Variants in ISM2 observed in about 807,000 individuals in gnomAD.
ISM2 encodes the protein isthmin-2.
A neutral mutation model predicts 58.0 loss-of-function variants in ISM2; 50 were observed. The ratio of observed to expected loss-of-function variants is 0.86; its 90% CI spans 0.69 to 1.09. The LOEUF (loss-of-function observed/expected upper bound fraction) is 1.09. Ranked by LOEUF, ISM2 falls within the 50% of genes least tolerant of loss-of-function variation. The pLI is 0.00. For synonymous variants in ISM2, 303 were observed against 312.4 expected, an observed-to-expected ratio of 0.97 and a Z score of 0.32; for missense variants, 723 against 745.0, an observed-to-expected ratio of 0.97 and a Z score of 0.34.
At chr14:77,478,178 A>G (rs1245719024) in intron 6 of ISM2, 64 bp downstream of exon 6, 6 of 1,350,646 alleles carry the variant, frequency 4.4e-6, no homozygotes, top group Non-Finnish European at 6.3e-6. Context: ...ATGGAATAAT[A>G]CCCCACCCTC....
At chr14:77,486,953 T>C (rs2079171562) in intron 1 of ISM2, among the ~76,000 whole-genome samples, 1 of 151,690 alleles carries the variant, frequency 6.6e-6, no homozygotes, top group Non-Finnish European at 1.5e-5. Flanking sequence ...TAAGAAAGCA[T>C]GCTCTAGGCC....
chr14:77,496,695 G>A (rs1390304263), intron 1 of ISM2, among the ~76,000 whole-genome samples: 1 of 150,652 alleles, frequency 6.6e-6, no homozygotes, highest in Non-Finnish European at 1.5e-5. Flanking sequence ...TACTGGGGAG[G>A]CTAAGGCAGG....
chr14:77,498,394 G>C, intron 1 of ISM2: 1 of 1,285,572 alleles, frequency 7.8e-7, no homozygotes, highest in Non-Finnish European at 1.1e-6. Context: ...ACCTCACTCC[G>C]CACAGAAGTC....
rs186536112 is a variant in ISM2, at chr14:77,493,897, G to A, written c.141+4756C>T. Among the ~76,000 whole-genome samples, 401 of 152,072 alleles carry A rather than the reference G, an allele frequency of 2.6e-3. 1 individual carries two copies. Among genetic ancestry groups the A allele is most frequent in the South Asian group, 0.019 (90 of 4,818 alleles). On this transcript the variant is annotated intron_variant, in intron 1 of 6. Coordinates refer to ENST00000342219, the MANE Select transcript of ISM2 (RefSeq NM_199296.3). Reference sequence around the variant, plus strand: ...CGCCGTTCTCCTGCCTCAGCCTCCCGAGTAGCTGGGAGTACAGGTGCTTGC... The same window carrying A: ...CGCCGTTCTCCTGCCTCAGCCTCCCAAGTAGCTGGGAGTACAGGTGCTTGC...
intron 1 of ISM2, among the ~76,000 whole-genome samples, chr14:77,497,806 G>C (rs1168250947): frequency 7.0e-6 from 1 of 143,140 alleles, no homozygotes; most frequent in African/African-American, 2.9e-5. Context: ...AAGGAAGGAA[G>C]GAAGGAAGGA....
At chr14:77,497,741 G>A (rs1163598371) in intron 1 of ISM2, among the ~76,000 whole-genome samples, 7,319 of 53,650 alleles carry the variant, frequency 0.14, 1,779 homozygotes, top group East Asian at 0.37. Flanking sequence ...GAAGGAAGGA[G>A]GGAGGGAGGG....
chr14:77,498,523 C>T (rs1452535867), intron 1 of ISM2, 130 bp downstream of exon 1: 2 of 1,329,372 alleles, frequency 1.5e-6, no homozygotes, highest in Admixed American at 2.4e-5. Flanking sequence ...CGGCCGGCCC[C>T]GGCCCCTCTC....
At chr14:77,490,021 G>A (rs60198797) in intron 1 of ISM2, among the ~76,000 whole-genome samples, 2,526 of 152,232 alleles carry the variant, frequency 0.017, 77 homozygotes, top group African/African-American at 0.058. Context: ...CCGCCACCAT[G>A]CCCAGCTAAT....
intron 4 of ISM2, 108 bp downstream of exon 4, chr14:77,482,214 G>T: frequency 2.7e-6 from 2 of 738,678 alleles, no homozygotes; most frequent in Non-Finnish European, 4.5e-6. Context: ...TAAGCTCCTG[G>T]CTTCCTCAAT....
At chr14:77,492,568 G>A (rs2079212783) in intron 1 of ISM2, among the ~76,000 whole-genome samples, 1 of 149,452 alleles carries the variant, frequency 6.7e-6, no homozygotes, top group African/African-American at 2.5e-5. Flanking sequence ...TGCCCAGGAT[G>A]GAGTACAGTA....
At chr14:77,481,512 C>T (rs1413512578) in intron 4 of ISM2, among the ~76,000 whole-genome samples, 1 of 147,540 alleles carries the variant, frequency 6.8e-6, no homozygotes, top group Non-Finnish European at 1.5e-5. Flanking sequence ...ACTTAATACT[C>T]TCTACAGCCA....
chr14:77,484,607 T>G, intron 2 of ISM2, 42 bp from the exon 3 acceptor site: 3 of 1,598,052 alleles, frequency 1.9e-6, no homozygotes, highest in Non-Finnish European at 2.6e-6. Context: ...GGTTAGGGCT[T>G]ACCCAACAGG....
Position 77,498,761 on chromosome 14 carries a change from G to A in ISM2, c.33C>T (p.Leu11=), listed in dbSNP as rs909686022. ...GCGCCGCCAGCAGCAGCACGCAGAG[G>A]AGGAGCCCGGCTCGGTCGCGGAGCG... MRALRDRAGL[L]LCVLLLAALL... Residue 11 remains leucine, a synonymous_variant, in exon 1 of 7, where the codon CTC becomes CTT. Coordinates refer to ENST00000342219, the MANE Select transcript of ISM2 (RefSeq NM_199296.3). The A allele has an allele frequency of 6.8e-7, 1 of 1,473,714 alleles. No individual in the cohort carries two copies. Among genetic ancestry groups the A allele is most frequent in the Non-Finnish European group, 8.9e-7 (1 of 1,121,892 alleles). The allele number at this position is 1,473,714 out of a possible 1,614,324, so 91.3% of individuals were successfully genotyped here. A position where few individuals can be genotyped will look rare whatever the true frequency, so the allele number is the denominator to read the frequency against.
Position 77,475,534 on chromosome 14 carries a change from C to T in ISM2, c.*61G>A. On this transcript the variant is annotated 3_prime_UTR_variant, in exon 7 of 7. Coordinates refer to ENST00000342219, the MANE Select transcript of ISM2 (RefSeq NM_199296.3). This position sits in a 1 kb window ranked among gnomAD's most constrained non-coding sequence, Gnocchi z 4.1. Reference sequence around the variant, plus strand: ...GGCAGGGGCGGGTGAGGAAAGTTCTCCCGTGCAACAGCAGCAGCCGCCTGC... The same window carrying T: ...GGCAGGGGCGGGTGAGGAAAGTTCTTCCGTGCAACAGCAGCAGCCGCCTGC... 1.5e-6 allele frequency: 1 copy of T among 659,962 alleles called. No homozygotes were observed. The highest frequency in any genetic ancestry group is 2.2e-6 in the Non-Finnish European group (1 of 460,902). The allele number at this position is 659,962 out of a possible 1,614,324, so 40.9% of individuals were successfully genotyped here. A position where few individuals can be genotyped will look rare whatever the true frequency, so the allele number is the denominator to read the frequency against.
intron 1 of ISM2, among the ~76,000 whole-genome samples, chr14:77,488,898 C>A (rs570958686): frequency 6.6e-6 from 1 of 152,204 alleles, no homozygotes; most frequent in Non-Finnish European, 1.5e-5. Flanking sequence ...CCAGTCCTGT[C>A]TCACAAGACC....
At chr14:77,493,400 G>A (rs2079218765) in intron 1 of ISM2, among the ~76,000 whole-genome samples, 1 of 152,172 alleles carries the variant, frequency 6.6e-6, no homozygotes, top group Non-Finnish European at 1.5e-5. Flanking sequence ...GGAGTAAACT[G>A]AGGCTCAGCA....
chr14:77,482,472 A>G lies in ISM2; in HGVS notation c.823T>C (p.Tyr275His), dbSNP rs2079138290. ...TCACCCTCGATATCCTCTGAAGGAT[A>G]GTCCTCGTCTTCCTCCTTTTCCTCC... is the stretch of plus-strand genomic sequence containing the variant. ...KGEEKEEDEDYPSEDIEGEDQ... is the reference protein window; with the variant it reads ...KGEEKEEDEDHPSEDIEGEDQ... The change falls in exon 4 of 7, where the codon TAT becomes CAT. Residue 275 changes from tyrosine (Y) to histidine (H), a missense_variant. Coordinates refer to ENST00000342219, the MANE Select transcript of ISM2 (RefSeq NM_199296.3). 1.2e-6 allele frequency: 2 copies of G among 1,614,136 alleles called. No homozygotes were observed. Among genetic ancestry groups the G allele is most frequent in the African/African-American group, 1.3e-5 (1 of 75,032 alleles).
chr14:77,477,211 G>T (rs1034137233), intron 6 of ISM2, among the ~76,000 whole-genome samples: 4 of 152,194 alleles, frequency 2.6e-5, no homozygotes, highest in African/African-American at 9.7e-5. Context: ...GGCTGGCCAC[G>T]TGGGAATGTG....
chr14:77,498,711 G>A lies in ISM2; in HGVS notation c.83C>T (p.Pro28Leu), dbSNP rs2079265060. 6.7e-7 allele frequency: 1 copy of A among 1,485,216 alleles called. No individual in the cohort carries two copies. 92.0% of individuals were successfully genotyped at this position (1,485,216 alleles called of 1,614,324 possible). A position where few individuals can be genotyped will look rare whatever the true frequency, so the allele number is the denominator to read the frequency against. ...AALLEAALGL[P>L]VKKPRLRGPR... ...TCCGCGGAGCCGCGGCTTCTTCACG[G>A]GGAGCCCTAGCGCCGCCTCCAGCAG... is the stretch of plus-strand genomic sequence containing the variant. The change falls in exon 1 of 7, where the codon CCC becomes CTC. Residue 28 changes from proline to leucine, a missense_variant. Coordinates refer to ENST00000342219, the MANE Select transcript of ISM2 (RefSeq NM_199296.3).
Sources: allele counts gnomAD v4.1 joint callset (sites outside exome capture counted in the v4.1 genomes callset), GRCh38; gene constraint gnomAD v4.1.1; non-coding constraint Gnocchi (gnomAD v3.1); transcripts MANE v1.5; gene names NCBI Gene and HGNC (gene_info 2026-07-23, HGNC 2026-07-21).